Variants in MYOZ3 observed in about 807,000 individuals in gnomAD.
MYOZ3 encodes the protein myozenin 3.
A neutral mutation model predicts 26.5 loss-of-function variants in MYOZ3; 19 were observed. The observed-to-expected ratio is 0.72, with a 90% CI of 0.50 to 1.05. The LOEUF (loss-of-function observed/expected upper bound fraction) is 1.05, where lower values mean the gene tolerates loss of function less well. Among genes scored for constraint, MYOZ3 ranks in the 50% least tolerant of loss-of-function variants. The pLI is 0.00. For synonymous variants in MYOZ3, 135 were observed against 138.8 expected (o/e 0.97, Z 0.19); for missense variants, 322 against 337.1 (o/e 0.96, Z 0.35).
intron 5 of MYOZ3, 140 bp from the exon 6 acceptor site, chr5:150,672,200 G>T: frequency 7.8e-7 from 1 of 1,284,240 alleles, no homozygotes; most frequent in Non-Finnish European, 1.1e-6. Context: ...GAGCAACTGT[G>T]GCTTCCCATT....
Position 150,678,022 on chromosome 5 carries a change from G to C in MYOZ3, c.*1147G>C, listed in dbSNP as rs1337786997. The C allele has an allele frequency of 6.6e-6, 1 of 152,500 alleles. No homozygotes were observed. Among genetic ancestry groups the C allele is most frequent in the Admixed American group, 6.5e-5 (1 of 15,278 alleles). The allele number at this position is 152,500 out of a possible 1,614,324, so 9.4% of individuals were successfully genotyped here. On this transcript the variant is annotated 3_prime_UTR_variant, in exon 7 of 7. Transcript: ENST00000517768. ...GCAGAAGGGAGAAGGCTGTGCTAGA[G>C]GAGCCAGTGAGGGCCAGCATGGGGT...
chr5:150,668,517 G>A (rs928870727), intron 2 of MYOZ3, among the ~76,000 whole-genome samples: 4 of 152,178 alleles, frequency 2.6e-5, no homozygotes, highest in Admixed American at 2.0e-4. Context: ...GAGGCCCCAG[G>A]CTCCGTCTCT....
At chr5:150,664,797 T>A (rs904095816) in intron 2 of MYOZ3, among the ~76,000 whole-genome samples, 103 of 150,898 alleles carry the variant, frequency 6.8e-4, no homozygotes, top group African/African-American at 2.0e-3. Context: ...CATCACTTTT[T>A]AAAAAAAAAA....
chr5:150,676,883 C>T lies in MYOZ3; in HGVS notation c.*8C>T. 1 of 1,602,264 alleles carries T rather than the reference C, an allele frequency of 6.2e-7. No homozygotes were observed. Among genetic ancestry groups the T allele is most frequent in the Non-Finnish European group, 8.5e-7 (1 of 1,175,972 alleles). On this transcript the variant is annotated 3_prime_UTR_variant, in exon 7 of 7. Coordinates refer to ENST00000517768, the MANE Select transcript of MYOZ3 (RefSeq NM_001122853.3). ...GAGTCCGAGGAGCTGTAGCCCTAGC[C>T]TGAATCTTCAGTTCCCCAGTCTCGG...
In MYOZ3 at chr5:150,679,286, G is replaced by A. The variant is rs2151451729; in HGVS notation, c.*2411G>A. On this transcript the variant is annotated 3_prime_UTR_variant, in exon 7 of 7. Transcript: ENST00000517768. ...CAAAACAAATCCTTTCTTCTTCTGA[G>A]AATGTGACTTTTTCTGGTGTTGTAA... 1 of 151,966 alleles carries A rather than the reference G, an allele frequency of 6.6e-6. No homozygotes were observed. The highest frequency in any genetic ancestry group is 2.1e-4 in the South Asian group (1 of 4,814). 9.4% of individuals were successfully genotyped at this position (151,966 alleles called of 1,614,324 possible).
intron 1 of MYOZ3, among the ~76,000 whole-genome samples, chr5:150,662,632 C>T (rs1758751598): frequency 6.6e-6 from 1 of 152,182 alleles, no homozygotes; most frequent in African/African-American, 2.4e-5. Context: ...CCCCTGGCAC[C>T]TACTCTCCCT....
rs1467496486 is a variant in MYOZ3, at chr5:150,671,920, C to T, written c.424+12C>T. ...CGCCCTGGCGCCAGGTGAGTGGCCT[C>T]CTCGGGTCCCGGGACCAGGGCTGGG... On this transcript the variant is annotated intron_variant, in intron 5 of 6. Transcript: ENST00000517768. 11 of 1,514,700 alleles carry T rather than the reference C, an allele frequency of 7.3e-6. No individual in the cohort carries two copies. Among genetic ancestry groups the T allele is most frequent in the South Asian group, 2.5e-5 (2 of 79,238 alleles). 93.8% of individuals were successfully genotyped at this position (1,514,700 alleles called of 1,614,324 possible). A position where few individuals can be genotyped will look rare whatever the true frequency, so the allele number is the denominator to read the frequency against.
intron 2 of MYOZ3, among the ~76,000 whole-genome samples, chr5:150,666,191 A>C (rs1475625898): frequency 3.9e-5 from 6 of 152,204 alleles, no homozygotes; most frequent in Admixed American, 3.9e-4. Flanking sequence ...AGTTACAACA[A>C]AACAGTGTAA....
chr5:150,676,597 C>T (rs1759011151), intron 6 of MYOZ3, 110 bp from the exon 7 acceptor site: 4 of 653,856 alleles, frequency 6.1e-6, no homozygotes, highest in Non-Finnish European at 9.8e-6. Flanking sequence ...GAAGGGAAAA[C>T]TGAGGCTCAG....
intron 6 of MYOZ3, among the ~76,000 whole-genome samples, chr5:150,675,121 T>C (rs1758982216): frequency 6.6e-6 from 1 of 152,240 alleles, no homozygotes; most frequent in South Asian, 2.1e-4. Context: ...CTCACCATCC[T>C]CCAATCCCAG....
At chr5:150,676,236 GA>G (rs11350626) in intron 6 of MYOZ3, among the ~76,000 whole-genome samples, 13,360 of 151,928 alleles carry the variant, frequency 0.088, 1,810 homozygotes, top group African/African-American at 0.29. Flanking sequence ...GGGCAAAGTT[GA>G]AAAAAACCTC....
chr5:150,662,932 C>A lies in MYOZ3; in HGVS notation c.-1-9C>A. The A allele has an allele frequency of 6.2e-7, 1 of 1,609,496 alleles. No homozygotes were observed. The highest frequency in any genetic ancestry group is 1.1e-5 in the South Asian group (1 of 90,260). On this transcript the variant is annotated splice_polypyrimidine_tract_variant and intron_variant, in intron 1 of 6. Transcript: ENST00000517768. ...GCCTGGTCCATTTATGGGGGTCTCT[C>A]CTCCACAGGATGATCCCCAAGGAGC...
rs759314449 is a variant in MYOZ3, at chr5:150,672,208, A to G, written c.425-132A>G. On this transcript the variant is annotated intron_variant, in intron 5 of 6. Transcript: ENST00000517768. The stretch of plus-strand genomic sequence containing the variant: ...TGTGCTGGAGCAACTGTGGCTTCCC[A>G]TTCCCGCCGTCCTCTCCCCTAACTC... The G allele has an allele frequency of 6.0e-5, 83 of 1,374,482 alleles. No individual in the cohort carries two copies. In the South Asian group the frequency reaches 7.8e-4, roughly 13 times the overall value. 85.1% of individuals were successfully genotyped at this position (1,374,482 alleles called of 1,614,324 possible). A position where few individuals can be genotyped will look rare whatever the true frequency, so the allele number is the denominator to read the frequency against.
chr5:150,674,953 T>C (rs534826620), intron 6 of MYOZ3, among the ~76,000 whole-genome samples: 66 of 152,322 alleles, frequency 4.3e-4, no homozygotes, highest in South Asian at 1.0e-3. Context: ...GAGGTTGCAG[T>C]GTGCCGAGAT....
intron 6 of MYOZ3, among the ~76,000 whole-genome samples, chr5:150,674,190 C>T (rs559362159): frequency 3.0e-4 from 45 of 152,278 alleles, no homozygotes; most frequent in African/African-American, 1.0e-3. Flanking sequence ...GCAGGACTGC[C>T]CTATCTCCTC....
intron 1 of MYOZ3, 48 bp from the exon 2 acceptor site, chr5:150,662,893 G>A: frequency 6.5e-7 from 1 of 1,535,184 alleles, no homozygotes; most frequent in Non-Finnish European, 9.0e-7. Context: ...GAGGTCTGGG[G>A]AGAAATGGAG....
chr5:150,671,221 A>G (rs1341887811), intron 3 of MYOZ3, among the ~76,000 whole-genome samples: 1 of 152,188 alleles, frequency 6.6e-6, no homozygotes, highest in Non-Finnish European at 1.5e-5. Flanking sequence ...AAAGATGGCA[A>G]AACACCCGCC....
At position 150,677,083 on chromosome 5, in the gene MYOZ3, G is replaced by A. The variant is rs1464434941; in HGVS notation, c.*208G>A. 2 of 532,512 alleles carry A rather than the reference G, an allele frequency of 3.8e-6. No homozygotes were observed. Among genetic ancestry groups the A allele is most frequent in the Admixed American group, 3.1e-5 (1 of 31,906 alleles). 33.0% of individuals were successfully genotyped at this position (532,512 alleles called of 1,614,324 possible). Reference sequence around the variant, plus strand: ...ATGTTGTTCCAAATCCAGACAACTGGACTGTCCCAGACTTGCAGCATCAGA... The same window carrying A: ...ATGTTGTTCCAAATCCAGACAACTGAACTGTCCCAGACTTGCAGCATCAGA... On this transcript the variant is annotated 3_prime_UTR_variant, in exon 7 of 7. Coordinates refer to ENST00000517768, the MANE Select transcript of MYOZ3 (RefSeq NM_001122853.3).
At chr5:150,665,235 C>A (rs1758790178) in intron 2 of MYOZ3, among the ~76,000 whole-genome samples, 1 of 152,178 alleles carries the variant, frequency 6.6e-6, no homozygotes, top group Admixed American at 6.5e-5. Flanking sequence ...AGGAGGAATG[C>A]AGCCTAGGGT....
Sources: allele counts gnomAD v4.1 joint callset (sites outside exome capture counted in the v4.1 genomes callset), GRCh38; gene constraint gnomAD v4.1.1; transcripts MANE v1.5; gene names NCBI Gene and HGNC (gene_info 2026-07-23, HGNC 2026-07-21).